TMEM132D: variants seen among roughly 807,000 people sequenced by gnomAD.
TMEM132D encodes the protein mature OL transmembrane protein.
A neutral mutation model predicts 62.3 loss-of-function variants in TMEM132D; 21 were observed. That is an observed-to-expected ratio of 0.34 (90% CI 0.24 to 0.49). The LOEUF is 0.49. TMEM132D is among the 20% of genes least tolerant of loss of function. TMEM132D has a pLI of 0.99. For synonymous variants in TMEM132D, 621 were observed against 575.6 expected (o/e 1.08, Z -1.13); for missense variants, 1,346 against 1,402.8 (o/e 0.96, Z 0.65).
intron 3 of TMEM132D, among the ~76,000 whole-genome samples, chr12:129,495,403 G>A (rs891531956): frequency 1.3e-5 from 2 of 152,174 alleles, no homozygotes; most frequent in African/African-American, 4.8e-5. Context: ...GGGGAGATCG[G>A]TCCTCAAGCA....
At chr12:129,294,503 G>A (rs112503054) in intron 4 of TMEM132D, among the ~76,000 whole-genome samples, 109 of 152,228 alleles carry the variant, frequency 7.2e-4, no homozygotes, top group African/African-American at 2.4e-3. Context: ...CAGGTGCCCC[G>A]ATGCCAGAAC....
intron 3 of TMEM132D, among the ~76,000 whole-genome samples, chr12:129,453,241 G>T (rs1482290880): frequency 1.3e-5 from 2 of 152,168 alleles, no homozygotes; most frequent in Non-Finnish European, 1.5e-5. Flanking sequence ...CAAAAAGATT[G>T]GGGACCGCTG....
At chr12:129,087,946 GTGT>G (rs1565959483) in intron 5 of TMEM132D, among the ~76,000 whole-genome samples, 1 of 107,168 alleles carries the variant, frequency 9.3e-6, no homozygotes, top group Non-Finnish European at 1.8e-5. Context: ...CATGACCGGG[GTGT>G]CCTCCCTGAC....
In TMEM132D at chr12:129,682,588, C is replaced by T. The variant is rs80231871; in HGVS notation, c.968+17222G>A. Among the ~76,000 whole-genome samples the T allele has an allele frequency of 5.4e-3, 828 of 152,200 alleles. 40 individuals carry two copies. In the East Asian group the frequency reaches 0.12, roughly 23 times the overall value. ...GGCCTTTGGATGTCACTGTAATTTG[C>T]AGTGACAAATAAGACTTGCAGATTT... On this transcript the variant is annotated intron_variant, in intron 2 of 8. Coordinates refer to ENST00000422113, the MANE Select transcript of TMEM132D (RefSeq NM_133448.3).
intron 4 of TMEM132D, among the ~76,000 whole-genome samples, chr12:129,330,547 CATGGATGA>C (rs1869070517): frequency 6.6e-6 from 1 of 152,270 alleles, no homozygotes; most frequent in Admixed American, 6.5e-5. Flanking sequence ...TAAACCCATT[CATGGATGA>C]ATGGATGAAT....
intron 4 of TMEM132D, among the ~76,000 whole-genome samples, chr12:129,321,234 C>T (rs1188272256): frequency 6.6e-6 from 1 of 152,090 alleles, no homozygotes; most frequent in Non-Finnish European, 1.5e-5. Context: ...ATGGAAAATT[C>T]ATAGGCTGTT....
chr12:129,870,328 A>G (rs1874200174), intron 1 of TMEM132D, among the ~76,000 whole-genome samples: 2 of 152,118 alleles, frequency 1.3e-5, no homozygotes, highest in African/African-American at 4.8e-5. Context: ...GAACCCTTAG[A>G]TAATTTCAAG....
chr12:129,739,553 C>G (rs1408122643), intron 1 of TMEM132D, among the ~76,000 whole-genome samples: 2 of 152,318 alleles, frequency 1.3e-5, no homozygotes, highest in East Asian at 1.9e-4. Context: ...ACTGCTGGGT[C>G]ACACCTATAA....
intron 3 of TMEM132D, among the ~76,000 whole-genome samples, chr12:129,421,185 A>G (rs1444503326): frequency 6.6e-6 from 1 of 151,232 alleles, no homozygotes; most frequent in Non-Finnish European, 1.5e-5. Flanking sequence ...CTGGTCTCGA[A>G]CTCCCGGCCT....
chr12:129,376,558 C>A (rs1026231869), intron 3 of TMEM132D, among the ~76,000 whole-genome samples: 1 of 152,146 alleles, frequency 6.6e-6, no homozygotes, highest in Non-Finnish European at 1.5e-5. Flanking sequence ...GGGGACACAG[C>A]CAAACCATAT....
chr12:129,566,504 A>G (rs1269250077), intron 2 of TMEM132D, among the ~76,000 whole-genome samples: 1 of 152,220 alleles, frequency 6.6e-6, no homozygotes, highest in Non-Finnish European at 1.5e-5. Context: ...GACCAGCATT[A>G]ATATTAAAAT....
chr12:129,605,622 T>TAC (rs55684861), intron 2 of TMEM132D, among the ~76,000 whole-genome samples: 12,433 of 124,162 alleles, frequency 0.1, 760 homozygotes, highest in Middle Eastern at 0.17. Flanking sequence ...CATATATATA[T>TAC]ACACACACAC....
intron 4 of TMEM132D, among the ~76,000 whole-genome samples, chr12:129,253,294 C>G (rs1880318899): frequency 6.6e-6 from 1 of 151,466 alleles, no homozygotes; most frequent in African/African-American, 2.4e-5. Context: ...ACCAGAAAGC[C>G]TTGAATCATG....
intron 3 of TMEM132D, among the ~76,000 whole-genome samples, chr12:129,503,267 G>A (rs899294094): frequency 2.6e-5 from 4 of 151,978 alleles, no homozygotes; most frequent in African/African-American, 4.8e-5. Context: ...GTAGAAAGTC[G>A]ACAGAAGAAA....
At chr12:129,357,071 C>T (rs142875142) in intron 3 of TMEM132D, among the ~76,000 whole-genome samples, 2,559 of 151,110 alleles carry the variant, frequency 0.017, 73 homozygotes, top group African/African-American at 0.059. Flanking sequence ...ACAGTGAAAC[C>T]CCGTCTCTAC....
intron 4 of TMEM132D, among the ~76,000 whole-genome samples, chr12:129,267,265 G>A (rs997348860): frequency 2.0e-5 from 3 of 152,128 alleles, no homozygotes; most frequent in African/African-American, 7.2e-5. Context: ...CAGATGACAT[G>A]ATTATATATT....
At chr12:129,515,619 G>A (rs1273475137) in intron 3 of TMEM132D, among the ~76,000 whole-genome samples, 2 of 152,102 alleles carry the variant, frequency 1.3e-5, no homozygotes, top group African/African-American at 4.8e-5. Context: ...GGTCATAAAG[G>A]AATTCTCTGA....
chr12:129,438,616 G>A (rs1872855023), intron 3 of TMEM132D, among the ~76,000 whole-genome samples: 1 of 152,116 alleles, frequency 6.6e-6, no homozygotes, highest in South Asian at 2.1e-4. Context: ...CCTGGGGTGG[G>A]TGTAGGTACT....
At chr12:129,663,304 A>G (rs2137193589) in intron 2 of TMEM132D, among the ~76,000 whole-genome samples, 1 of 152,266 alleles carries the variant, frequency 6.6e-6, no homozygotes, top group Middle Eastern at 3.4e-3. Context: ...ACGTCCAGCT[A>G]ATTTTGTATT....
Sources: gnomAD v4.1 joint callset for allele counts (sites outside exome capture counted in the v4.1 genomes callset) on GRCh38, gnomAD v4.1.1 for gene constraint, MANE v1.5 for transcripts, NCBI Gene and HGNC (gene_info 2026-07-23, HGNC 2026-07-21) for gene names.